The following EFCAB6 variants were observed in gnomAD, a reference collection of about 807,000 sequenced individuals.
EFCAB6 encodes EF-hand calcium-binding domain-containing protein 6.
Under a neutral mutation model 169.8 loss-of-function variants are expected in EFCAB6, and 156 were observed. The observed-to-expected ratio is 0.92, with a 90% CI of 0.81 to 1.05. The LOEUF (loss-of-function observed/expected upper bound fraction) is 1.05, where lower values mean the gene tolerates loss of function less well. Among genes scored for constraint, EFCAB6 ranks in the 50% least tolerant of loss-of-function variants. The probability of loss-of-function intolerance (pLI) is 0.00; values close to 1 mark genes in which losing one functional copy is unlikely to be tolerated. For synonymous variants in EFCAB6, 698 were observed against 676.4 expected (o/e 1.03, Z -0.50); for missense variants, 1,800 against 1,829.1 (o/e 0.98, Z 0.29).
At chr22:43,724,900 A>G (rs552350429) in intron 8 of EFCAB6, among the ~76,000 whole-genome samples, 1 of 152,350 alleles carries the variant, frequency 6.6e-6, no homozygotes, top group Non-Finnish European at 1.5e-5. Flanking sequence ...GTATGGCAAC[A>G]ACCCCACTTC....
chr22:43,636,902 C>T (rs1339485886), intron 17 of EFCAB6, among the ~76,000 whole-genome samples: 2 of 152,162 alleles, frequency 1.3e-5, no homozygotes, highest in African/African-American at 4.8e-5. Flanking sequence ...CACGCCCGTC[C>T]TCAAACCTCA....
At chr22:43,536,864 AAAAACAAC>A (rs1289779197) in intron 29 of EFCAB6, 1 of 152,930 alleles carries the variant, frequency 6.5e-6, no homozygotes, top group African/African-American at 2.4e-5. Flanking sequence ...CAAAAAACCA[AAAAACAAC>A]AAAACAACAA....
intron 27 of EFCAB6, among the ~76,000 whole-genome samples, chr22:43,548,800 C>T (rs1294236100): frequency 6.6e-6 from 1 of 152,012 alleles, no homozygotes; most frequent in Non-Finnish European, 1.5e-5. Flanking sequence ...CAAGCTTTTA[C>T]TCAGCATATG....
In EFCAB6 at chr22:43,667,249, G is replaced by GT; in HGVS notation, c.1837dup (p.Thr613AsnfsTer14). On this transcript the variant is annotated frameshift_variant, in exon 17 of 32. Transcript: ENST00000262726. LOFTEE classifies it high-confidence loss of function. ...TGTGGTCATCTTCTTGGTCAGGGTG[G>GT]TTTTATCCTCCGTGAGCTTGGTTCT... 6.2e-7 allele frequency: 1 copy of GT among 1,613,888 alleles called. No individual in the cohort carries two copies. The highest frequency in any genetic ancestry group is 8.5e-7 in the Non-Finnish European group (1 of 1,179,876).
intron 10 of EFCAB6, among the ~76,000 whole-genome samples, chr22:43,695,950 A>C (rs1480074028): frequency 6.6e-6 from 1 of 152,050 alleles, no homozygotes; most frequent in Non-Finnish European, 1.5e-5. Flanking sequence ...TTACCCATAA[A>C]ATTTTGTAAA....
chr22:43,655,442 A>G (rs909828251), intron 17 of EFCAB6, among the ~76,000 whole-genome samples: 2 of 151,878 alleles, frequency 1.3e-5, no homozygotes, highest in Non-Finnish European at 2.9e-5. Context: ...AGCTTCTATG[A>G]GACTAATATA....
intron 16 of EFCAB6, among the ~76,000 whole-genome samples, chr22:43,668,152 A>G (rs1187802784): frequency 2.0e-5 from 3 of 152,188 alleles, no homozygotes; most frequent in Non-Finnish European, 4.4e-5. Context: ...AGGTATTCAA[A>G]TTTAATTAGC....
intron 17 of EFCAB6, among the ~76,000 whole-genome samples, chr22:43,646,093 G>A (rs986950546): frequency 1.3e-5 from 2 of 152,192 alleles, no homozygotes; most frequent in African/African-American, 4.8e-5. Context: ...CAGACAAGTC[G>A]TGCCTACTTC....
chr22:43,641,665 G>T (rs1178811056), intron 17 of EFCAB6, among the ~76,000 whole-genome samples: 1 of 149,482 alleles, frequency 6.7e-6, no homozygotes, highest in East Asian at 2.0e-4. Context: ...TACTTTCCTT[G>T]TGAGACACAC....
chr22:43,794,350 A>G (rs1395350088), intron 2 of EFCAB6, among the ~76,000 whole-genome samples: 3 of 152,218 alleles, frequency 2.0e-5, no homozygotes, highest in African/African-American at 4.8e-5. Context: ...ACTATTATCC[A>G]TATTTTTAGA....
Position 43,569,674 on chromosome 22 carries a change from C to T in EFCAB6, c.3420+6623G>A, listed in dbSNP as rs114025658. Among the ~76,000 whole-genome samples the T allele has an allele frequency of 5.6e-3, 860 of 152,310 alleles. 11 individuals carry two copies. Among genetic ancestry groups the T allele is most frequent in the African/African-American group, 0.02 (818 of 41,566 alleles). On this transcript the variant is annotated intron_variant, in intron 26 of 31. Coordinates refer to ENST00000262726, the MANE Select transcript of EFCAB6 (RefSeq NM_022785.4). ...CCTGCACCCTGGCCTGTCTCCAAGG[C>T]CCCCCTGAGAGTCCAAGTCAGCCTG...
chr22:43,693,220 T>C (rs1421858474), intron 10 of EFCAB6, among the ~76,000 whole-genome samples: 1 of 151,992 alleles, frequency 6.6e-6, no homozygotes, highest in Non-Finnish European at 1.5e-5. Context: ...AAGACCCGGA[T>C]AGGCTGAAAG....
intron 9 of EFCAB6, among the ~76,000 whole-genome samples, chr22:43,713,254 C>A (rs1207472459): frequency 6.6e-6 from 1 of 152,160 alleles, no homozygotes; most frequent in African/African-American, 2.4e-5. Flanking sequence ...GAGATCGTAT[C>A]TGTTTTGTTC....
At position 43,537,172 on chromosome 22, in the gene EFCAB6, C is replaced by T. The variant is rs1009318423; in HGVS notation, c.4048+205G>A. Reference sequence around the variant, plus strand: ...CTGACTTTACCATGCAGATGGGCCCCCTGCTGGGAGGGCCGGGTAGTCGGA... The same window carrying T: ...CTGACTTTACCATGCAGATGGGCCCTCTGCTGGGAGGGCCGGGTAGTCGGA... On this transcript the variant is annotated intron_variant, in intron 29 of 31. Coordinates refer to ENST00000262726, the MANE Select transcript of EFCAB6 (RefSeq NM_022785.4). This position sits in a 1 kb window ranked among gnomAD's most constrained non-coding sequence, Gnocchi z 4.3. 1.8e-6 allele frequency: 1 copy of T among 555,242 alleles called. No homozygotes were observed. The highest frequency in any genetic ancestry group is 1.9e-5 in the African/African-American group (1 of 53,360). 34.4% of individuals were successfully genotyped at this position (555,242 alleles called of 1,614,324 possible).
At chr22:43,672,163 A>C (rs1344089626) in intron 14 of EFCAB6, 30 bp from the exon 15 acceptor site, 2 of 1,613,120 alleles carry the variant, frequency 1.2e-6, no homozygotes, top group Non-Finnish European at 1.7e-6. Flanking sequence ...ATATTTCCTA[A>C]GCCATACATC....
At chr22:43,634,708 A>G (rs2055252188) in intron 18 of EFCAB6, among the ~76,000 whole-genome samples, 1 of 151,976 alleles carries the variant, frequency 6.6e-6, no homozygotes, top group South Asian at 2.1e-4. Context: ...GGCCTTTTAT[A>G]ATCTCTGCAA....
At chr22:43,716,823 A>T in intron 9 of EFCAB6, 25 bp downstream of exon 9, 1 of 1,592,644 alleles carries the variant, frequency 6.3e-7, no homozygotes, top group Non-Finnish European at 8.5e-7. Context: ...TCTGTAGGTA[A>T]TTGTGGCTTA....
chr22:43,778,381 G>C (rs558329604), intron 3 of EFCAB6, among the ~76,000 whole-genome samples: 1 of 152,172 alleles, frequency 6.6e-6, no homozygotes, highest in African/African-American at 2.4e-5. Context: ...GCACAAGTTC[G>C]GGGCAGCTGT....
intron 2 of EFCAB6, among the ~76,000 whole-genome samples, chr22:43,784,539 G>GTGTATATGTATATATACACATATATA (rs2061952024): frequency 1.1e-5 from 1 of 91,954 alleles, no homozygotes; most frequent in Non-Finnish European, 2.1e-5. Flanking sequence ...GTGTGTGTGT[G>GTGTATATGTATATATACACATATATA]TGTGTATATG....
Sources: allele counts gnomAD v4.1 joint callset (sites outside exome capture counted in the v4.1 genomes callset), GRCh38; gene constraint gnomAD v4.1.1; non-coding constraint Gnocchi (gnomAD v3.1); transcripts MANE v1.5; gene names NCBI Gene and HGNC (gene_info 2026-07-23, HGNC 2026-07-21).